The following SYTL2 variants were observed in gnomAD, a reference collection of about 807,000 sequenced individuals.
The protein encoded by SYTL2 is synaptotagmin like 2.
SYTL2 carries 165 observed loss-of-function variants against 198.7 expected under a neutral mutation model. The ratio of observed to expected loss-of-function variants is 0.83; its 90% CI spans 0.73 to 0.94. The LOEUF (loss-of-function observed/expected upper bound fraction) is 0.94. Ranked by LOEUF, SYTL2 falls within the 40% of genes least tolerant of loss-of-function variation. SYTL2 has a pLI of 0.00. For missense variants in SYTL2, 2,835 were observed against 2,582.8 expected (o/e 1.10, Z -2.12); for synonymous variants, 966 against 917.7 (o/e 1.05, Z -0.95).
the SYTL2 span, among the ~76,000 whole-genome samples, chr11:85,849,566 T>C: frequency 2.6e-5 from 4 of 152,004 alleles, no homozygotes; most frequent in African/African-American, 9.7e-5. Flanking sequence ...TTGCTTGTTT[T>C]TCTCAGGTTT....
chr11:85,739,348 G>A (rs753288113), intron 4 of SYTL2, among the ~76,000 whole-genome samples: 12 of 149,792 alleles, frequency 8.0e-5, no homozygotes, highest in African/African-American at 9.9e-5. Context: ...TCCGCTATTC[G>A]GAAAGAAAAA....
At chr11:85,793,483 T>C (rs1225545473) in intron 1 of SYTL2, among the ~76,000 whole-genome samples, 1 of 152,270 alleles carries the variant, frequency 6.6e-6, no homozygotes, top group East Asian at 1.9e-4. Context: ...CATAATATTT[T>C]ATGTTTTAAA....
At chr11:85,849,401 T>C in the SYTL2 span, among the ~76,000 whole-genome samples, 1 of 152,202 alleles carries the variant, frequency 6.6e-6, no homozygotes, top group South Asian at 2.1e-4. Flanking sequence ...CTAGGTTTTC[T>C]TCTAGGGTTT....
the SYTL2 span, among the ~76,000 whole-genome samples, chr11:85,823,029 T>C: frequency 1.3e-5 from 2 of 152,258 alleles, no homozygotes; most frequent in African/African-American, 2.4e-5. Flanking sequence ...GGCATTATCA[T>C]GGAACATTGG....
intron 12 of SYTL2, 80 bp downstream of exon 12, chr11:85,714,333 G>A: frequency 8.7e-7 from 1 of 1,151,928 alleles, no homozygotes; most frequent in Non-Finnish European, 1.3e-6. Context: ...TGCCACAGTG[G>A]AATACAAACA....
chr11:85,789,310 T>C (rs1203338426), intron 1 of SYTL2, among the ~76,000 whole-genome samples: 1 of 135,026 alleles, frequency 7.4e-6, no homozygotes, highest in Non-Finnish European at 1.6e-5. Flanking sequence ...TTTATTTATA[T>C]GATGTGTGTG....
the SYTL2 span, among the ~76,000 whole-genome samples, chr11:85,837,538 T>G: frequency 6.6e-6 from 1 of 152,186 alleles, no homozygotes; most frequent in African/African-American, 2.4e-5. Context: ...CAGAAGAATA[T>G]ACTTCCCCCT....
chr11:85,836,850 A>C, the SYTL2 span, among the ~76,000 whole-genome samples: 7 of 152,214 alleles, frequency 4.6e-5, no homozygotes, highest in East Asian at 1.2e-3. Flanking sequence ...ACAGATACAT[A>C]GATAGATGAT....
chr11:85,710,164 A>T (rs762478661), intron 13 of SYTL2, among the ~76,000 whole-genome samples: 4 of 152,186 alleles, frequency 2.6e-5, no homozygotes, highest in Non-Finnish European at 5.9e-5. Context: ...GAAAACCCAG[A>T]CACTCTAATC....
chr11:85,727,414 G>A lies in SYTL2; in HGVS notation c.1944C>T (p.Asp648=), dbSNP rs1165471044. 8 of 1,536,288 alleles carry A rather than the reference G, an allele frequency of 5.2e-6. No individual in the cohort carries two copies. The highest frequency in any genetic ancestry group is 1.7e-4 in the Middle Eastern group (1 of 5,992). The change falls in exon 8 of 20, where the codon GAC becomes GAT. Residue 648 remains aspartate (D), a synonymous_variant. Transcript: ENST00000359152. ...GTPSQGSKNM[D]YSQDSKSPGK... ...CTGGGCTTTTTGAATCTTGGCTATA[G>A]TCCATATTTTTACTCCCTTGACTTG...
In SYTL2 at chr11:85,726,123, A is replaced by G. The variant is rs2153465676; in HGVS notation, c.3235T>C (p.Tyr1079His). The change falls in exon 8 of 20, where the codon TAT (tyrosine) becomes CAT (histidine). Residue 1079 changes from tyrosine to histidine, a missense_variant. Tyr to His is a moderately conservative substitution (Grantham distance 83). Coordinates refer to ENST00000359152, the MANE Select transcript of SYTL2 (RefSeq NM_206927.4). ...GATGACTCATTTCCTGGCAACTGAT[A>G]AGTATACTTTCTAAGTGGACTCAAA... ...FPLSPLRKYT[Y>H]QLPGNESSKE... 2 of 1,614,016 alleles carry G rather than the reference A, an allele frequency of 1.2e-6. No individual in the cohort carries two copies. Among genetic ancestry groups the G allele is most frequent in the Non-Finnish European group, 8.5e-7 (1 of 1,179,962 alleles).
chr11:85,696,416 C>A lies in SYTL2; in HGVS notation c.6369-28G>T, dbSNP rs187783731. 140 of 1,557,584 alleles carry A rather than the reference C, an allele frequency of 9.0e-5. No homozygotes were observed. In the East Asian group the frequency reaches 3.0e-3, roughly 33 times the overall value. ...ACAAAAAGAGGCATGATTGTGGGAG[C>A]ATTTTAGTAAGATAGTGAACATTCA... On this transcript the variant is annotated intron_variant, in intron 18 of 19. Coordinates refer to ENST00000359152, the MANE Select transcript of SYTL2 (RefSeq NM_206927.4).
chr11:85,842,709 G>A, the SYTL2 span, among the ~76,000 whole-genome samples: 1 of 152,186 alleles, frequency 6.6e-6, no homozygotes, highest in African/African-American at 2.4e-5. Flanking sequence ...GGCCTTATCA[G>A]CCATGTCAGA....
the SYTL2 span, among the ~76,000 whole-genome samples, chr11:85,848,479 G>A: frequency 2.0e-5 from 3 of 151,808 alleles, no homozygotes; most frequent in African/African-American, 7.3e-5. Flanking sequence ...TATGGTTTTT[G>A]GTCTGAGTGA....
intron 1 of SYTL2, among the ~76,000 whole-genome samples, chr11:85,785,259 A>G (rs1483346634): frequency 1.3e-5 from 2 of 152,234 alleles, no homozygotes; most frequent in Non-Finnish European, 2.9e-5. Context: ...CAACAAAACT[A>G]AAATGAAAAG....
At chr11:85,772,586 G>C (rs1040455843) in intron 1 of SYTL2, among the ~76,000 whole-genome samples, 1 of 152,182 alleles carries the variant, frequency 6.6e-6, no homozygotes, top group Non-Finnish European at 1.5e-5. Context: ...TTCACTATGC[G>C]TATGAAGGCA....
At chr11:85,841,732 A>C in the SYTL2 span, among the ~76,000 whole-genome samples, 11 of 152,288 alleles carry the variant, frequency 7.2e-5, no homozygotes, top group African/African-American at 2.6e-4. Context: ...TAGGCTTGGT[A>C]CCTGGGTGAC....
At chr11:85,799,430 G>C (rs2092851749) in intron 1 of SYTL2, among the ~76,000 whole-genome samples, 1 of 152,164 alleles carries the variant, frequency 6.6e-6, no homozygotes, top group African/African-American at 2.4e-5. Flanking sequence ...GGAAGAATTA[G>C]CATAGAGCTG....
chr11:85,820,124 G>A, the SYTL2 span, among the ~76,000 whole-genome samples: 1 of 152,142 alleles, frequency 6.6e-6, no homozygotes, highest in African/African-American at 2.4e-5. Flanking sequence ...CATTATAAAT[G>A]TAAGCAACAA....
Sources: allele counts gnomAD v4.1 joint callset (sites outside exome capture counted in the v4.1 genomes callset), GRCh38; gene constraint gnomAD v4.1.1; transcripts MANE v1.5; gene names NCBI Gene and HGNC (gene_info 2026-07-23, HGNC 2026-07-21).